Variants in KCNIP4 observed in about 807,000 individuals in gnomAD.
The protein encoded by KCNIP4 is Kv channel-interacting protein 4.
In KCNIP4, 12 loss-of-function variants were observed where a neutral mutation model predicts 34.0. The observed-to-expected ratio is 0.35, with a 90% CI of 0.23 to 0.57. KCNIP4 has a LOEUF of 0.57. KCNIP4 is among the 20% of genes least tolerant of loss of function. The pLI is 0.83. For missense variants in KCNIP4, 238 were observed against 311.7 expected (o/e 0.76, Z 1.78); for synonymous variants, 124 against 102.2 (o/e 1.21, Z -1.29).
chr4:21,774,084 T>C (rs1432061314), intron 1 of KCNIP4, among the ~76,000 whole-genome samples: 1 of 152,072 alleles, frequency 6.6e-6, no homozygotes, highest in Non-Finnish European at 1.5e-5. Context: ...TGGTTTTTCC[T>C]TTTCATATTT....
At chr4:21,043,448 G>A (rs769444478) in intron 1 of KCNIP4, among the ~76,000 whole-genome samples, 15 of 151,922 alleles carry the variant, frequency 9.9e-5, no homozygotes, top group Non-Finnish European at 1.8e-4. Flanking sequence ...TCCCACCTCA[G>A]CCTCCCTAGT....
intron 1 of KCNIP4, among the ~76,000 whole-genome samples, chr4:21,278,684 G>A (rs558117654): frequency 3.0e-4 from 46 of 152,286 alleles, no homozygotes; most frequent in African/African-American, 1.1e-3. Context: ...AAGTGAGCCT[G>A]AGGAGACCTA....
chr4:21,703,731 A>G (rs1713045098), intron 1 of KCNIP4, among the ~76,000 whole-genome samples: 1 of 152,200 alleles, frequency 6.6e-6, no homozygotes, highest in South Asian at 2.1e-4. Flanking sequence ...AAACTCTGAT[A>G]AAAAATAAAA....
At chr4:20,819,835 G>A (rs4697186) in intron 3 of KCNIP4, among the ~76,000 whole-genome samples, 87,752 of 151,992 alleles carry the variant, frequency 0.58, 26,003 homozygotes, top group Middle Eastern at 0.65. Flanking sequence ...CCAAAGTGCC[G>A]CCTTGGAAGC....
chr4:21,646,715 C>T (rs973408619), intron 1 of KCNIP4, among the ~76,000 whole-genome samples: 7 of 152,192 alleles, frequency 4.6e-5, no homozygotes, highest in African/African-American at 1.7e-4. Context: ...AACCCCCACT[C>T]TCTTGGTTTG....
At chr4:21,684,612 T>A (rs548763443) in intron 1 of KCNIP4, among the ~76,000 whole-genome samples, 2 of 152,248 alleles carry the variant, frequency 1.3e-5, no homozygotes, top group East Asian at 3.9e-4. Context: ...ATACTTTATA[T>A]CCTAGGAAAA....
At chr4:21,318,573 T>C (rs1714034307) in intron 1 of KCNIP4, among the ~76,000 whole-genome samples, 1 of 152,200 alleles carries the variant, frequency 6.6e-6, no homozygotes, top group Admixed American at 6.5e-5. Flanking sequence ...TTATGCATTG[T>C]GTATATAAGT....
chr4:21,078,211 G>A (rs1745673099), intron 1 of KCNIP4, among the ~76,000 whole-genome samples: 1 of 152,040 alleles, frequency 6.6e-6, no homozygotes, highest in Non-Finnish European at 1.5e-5. Context: ...AAGAGTCAGG[G>A]AGTGCGGGAA....
intron 1 of KCNIP4, among the ~76,000 whole-genome samples, chr4:21,655,791 A>C (rs1747874366): frequency 6.6e-6 from 1 of 152,202 alleles, no homozygotes; most frequent in African/African-American, 2.4e-5. Flanking sequence ...GTTTGTCATT[A>C]AGTGCATTTA....
intron 1 of KCNIP4, among the ~76,000 whole-genome samples, chr4:20,962,723 C>T (rs967446363): frequency 2.6e-5 from 4 of 152,184 alleles, no homozygotes; most frequent in African/African-American, 9.7e-5. Flanking sequence ...CATCAAATGA[C>T]ATGTTGCAGT....
intron 1 of KCNIP4, among the ~76,000 whole-genome samples, chr4:21,604,308 C>T (rs934254551): frequency 6.6e-6 from 1 of 152,054 alleles, no homozygotes; most frequent in African/African-American, 2.4e-5. Flanking sequence ...AATCATCCTA[C>T]GTGTTAGTTG....
chr4:21,517,687 C>T (rs931833615), intron 1 of KCNIP4, among the ~76,000 whole-genome samples: 2 of 152,032 alleles, frequency 1.3e-5, no homozygotes, highest in South Asian at 4.1e-4. Context: ...TAACAGCAAC[C>T]CTGTTGCTGA....
At chr4:21,312,179 C>T (rs1713257628) in intron 1 of KCNIP4, among the ~76,000 whole-genome samples, 1 of 152,150 alleles carries the variant, frequency 6.6e-6, no homozygotes, top group Non-Finnish European at 1.5e-5. Flanking sequence ...TCTTAAAGGA[C>T]TGAAGACAAA....
intron 1 of KCNIP4, among the ~76,000 whole-genome samples, chr4:21,507,358 G>A (rs546180811): frequency 6.8e-4 from 103 of 151,386 alleles, no homozygotes; most frequent in African/African-American, 2.3e-3. Context: ...TCCACCTCCC[G>A]GGTTCAAGCA....
chr4:21,184,667 A>G (rs1577849658), intron 1 of KCNIP4, among the ~76,000 whole-genome samples: 1 of 152,160 alleles, frequency 6.6e-6, no homozygotes, highest in African/African-American at 2.4e-5. Flanking sequence ...TTGTATGGCT[A>G]GTCAGCTGTC....
intron 1 of KCNIP4, among the ~76,000 whole-genome samples, chr4:21,510,883 A>AG (rs386399470): frequency 1.3e-4 from 1 of 7,490 alleles, no homozygotes; most frequent in Non-Finnish European, 5.0e-4. Context: ...TTAAAAAAAT[A>AG]AAAATAAAAA....
intron 3 of KCNIP4, among the ~76,000 whole-genome samples, chr4:20,786,921 A>G (rs1712079223): frequency 6.6e-6 from 1 of 152,192 alleles, no homozygotes; most frequent in Admixed American, 6.6e-5. Flanking sequence ...GACGGGCCCG[A>G]TAAAGTATCT....
intron 1 of KCNIP4, among the ~76,000 whole-genome samples, chr4:21,525,983 CATT>C (rs148654865): frequency 0.058 from 8,799 of 152,094 alleles, 344 homozygotes; most frequent in Non-Finnish European, 0.089. Context: ...AAATCAAAAA[CATT>C]ATCCAATTTT....
intron 1 of KCNIP4, among the ~76,000 whole-genome samples, chr4:21,375,981 AC>A (rs2109456339): frequency 6.6e-6 from 1 of 152,308 alleles, no homozygotes; most frequent in East Asian, 1.9e-4. Context: ...TCAGAAACAC[AC>A]CAGGAATCAA....
Sources: allele counts gnomAD v4.1 joint callset (sites outside exome capture counted in the v4.1 genomes callset), GRCh38; gene constraint gnomAD v4.1.1; transcripts MANE v1.5; gene names NCBI Gene and HGNC (gene_info 2026-07-23, HGNC 2026-07-21).